Variants in GALNT10 observed in about 807,000 individuals in gnomAD.
The protein encoded by GALNT10 is polypeptide N-acetylgalactosaminyltransferase 10.
In GALNT10, 41 loss-of-function variants were observed where a neutral mutation model predicts 75.0. The observed-to-expected ratio is 0.55, with a 90% CI of 0.43 to 0.71. The LOEUF is 0.71. Among genes scored for constraint, GALNT10 ranks in the 30% least tolerant of loss-of-function variants. The pLI is 0.00. For synonymous variants in GALNT10, 302 were observed against 313.0 expected (o/e 0.96, Z 0.37); for missense variants, 727 against 818.5 (o/e 0.89, Z 1.36).
At chr5:154,380,700 A>C in intron 6 of GALNT10, 69 bp downstream of exon 6, 9 of 1,094,034 alleles carry the variant, frequency 8.2e-6, no homozygotes, top group South Asian at 1.5e-5. Context: ...CACACAACTC[A>C]GGATCGCCAT....
intron 3 of GALNT10, among the ~76,000 whole-genome samples, chr5:154,314,906 C>T (rs1754574474): frequency 1.3e-5 from 2 of 151,670 alleles, no homozygotes. Flanking sequence ...ATGTGCAGAG[C>T]ATAGAGATGG....
At position 154,416,024 on chromosome 5, in the gene GALNT10, A is replaced by T. The variant is rs1333506846; in HGVS notation, c.1653+92A>T. ...CCCCTTCTTTCAACAGAGCCCATCC[A>T]CTTATTCATTTGTGCCACAAACCTA... is the stretch of plus-strand genomic sequence containing the variant. On this transcript the variant is annotated intron_variant, in intron 11 of 11. Coordinates refer to ENST00000297107, the MANE Select transcript of GALNT10 (RefSeq NM_198321.4). This position sits in a 1 kb window ranked among gnomAD's most constrained non-coding sequence, Gnocchi z 4.5. The T allele has an allele frequency of 3.3e-6, 4 of 1,197,730 alleles. No homozygotes were observed. Among genetic ancestry groups the T allele is most frequent in the Non-Finnish European group, 4.7e-6 (4 of 846,498 alleles). 74.2% of individuals were successfully genotyped at this position (1,197,730 alleles called of 1,614,324 possible).
At chr5:154,285,271 T>C (rs1754094997) in intron 1 of GALNT10, among the ~76,000 whole-genome samples, 1 of 152,190 alleles carries the variant, frequency 6.6e-6, no homozygotes, top group East Asian at 1.9e-4. Context: ...CACGGGAGGC[T>C]CACCACCACC....
chr5:154,258,946 C>CA (rs1396690294), intron 1 of GALNT10, among the ~76,000 whole-genome samples: 4 of 152,002 alleles, frequency 2.6e-5, no homozygotes, highest in Non-Finnish European at 1.5e-5. Flanking sequence ...TTTAGATTTA[C>CA]AAAAAAAGTT....
At chr5:154,193,372 C>T (rs1411840095) in intron 1 of GALNT10, among the ~76,000 whole-genome samples, 1 of 152,190 alleles carries the variant, frequency 6.6e-6, no homozygotes, top group Non-Finnish European at 1.5e-5. Flanking sequence ...TGGGCTTGGC[C>T]CCCAGTCCGT....
intron 1 of GALNT10, among the ~76,000 whole-genome samples, chr5:154,277,732 T>A (rs1192276218): frequency 6.6e-6 from 1 of 152,110 alleles, no homozygotes; most frequent in Non-Finnish European, 1.5e-5. Context: ...TCTTTGTGAG[T>A]GAAAGACAAA....
At chr5:154,306,415 C>A (rs1754433846) in intron 3 of GALNT10, among the ~76,000 whole-genome samples, 1 of 152,020 alleles carries the variant, frequency 6.6e-6, no homozygotes, top group Non-Finnish European at 1.5e-5. Flanking sequence ...ATATTACTTA[C>A]ATGTAAATAA....
chr5:154,226,235 A>G (rs1753063033), intron 1 of GALNT10, among the ~76,000 whole-genome samples: 2 of 152,232 alleles, frequency 1.3e-5, no homozygotes, highest in Non-Finnish European at 2.9e-5. Flanking sequence ...AGCTTTGATC[A>G]CCATACTTTG....
At chr5:154,269,773 GGGACATCCTTC>G (rs2113034897) in intron 1 of GALNT10, among the ~76,000 whole-genome samples, 2 of 152,338 alleles carry the variant, frequency 1.3e-5, no homozygotes, top group East Asian at 3.9e-4. Context: ...TAGAGAGTCT[GGGACATCCTTC>G]GGAAGGGAAT....
chr5:154,199,073 G>A (rs1298798329), intron 1 of GALNT10, among the ~76,000 whole-genome samples: 1 of 152,238 alleles, frequency 6.6e-6, no homozygotes, highest in African/African-American at 2.4e-5. Context: ...GGCTGAGGGG[G>A]TGAGTGAGTA....
At chr5:154,248,506 C>T (rs1212068137) in intron 1 of GALNT10, among the ~76,000 whole-genome samples, 1 of 152,160 alleles carries the variant, frequency 6.6e-6, no homozygotes, top group African/African-American at 2.4e-5. Flanking sequence ...TTGGTCTATT[C>T]AGAGATTCAA....
intron 4 of GALNT10, chr5:154,349,558 A>G (rs1326021227): frequency 2.0e-5 from 3 of 152,206 alleles, no homozygotes; most frequent in East Asian, 1.9e-4. Flanking sequence ...TTTGGCATCA[A>G]TAAGGTGACC....
At chr5:154,252,269 G>A (rs1472588375) in intron 1 of GALNT10, among the ~76,000 whole-genome samples, 1 of 152,074 alleles carries the variant, frequency 6.6e-6, no homozygotes, top group African/African-American at 2.4e-5. Context: ...ATATAGGTGA[G>A]TATATAGTTA....
At chr5:154,323,818 C>T (rs1333217590) in intron 3 of GALNT10, among the ~76,000 whole-genome samples, 2 of 152,206 alleles carry the variant, frequency 1.3e-5, no homozygotes, top group Non-Finnish European at 2.9e-5. Context: ...AATGCTGCTA[C>T]CACCCCCTAC....
intron 4 of GALNT10, among the ~76,000 whole-genome samples, chr5:154,367,915 T>C (rs991669248): frequency 2.0e-5 from 3 of 151,882 alleles, no homozygotes; most frequent in African/African-American, 4.8e-5. Context: ...AAGAACTTCA[T>C]TTTTCTATTA....
intron 3 of GALNT10, among the ~76,000 whole-genome samples, chr5:154,316,102 T>C (rs761117783): frequency 5.3e-5 from 8 of 152,210 alleles, no homozygotes; most frequent in East Asian, 1.9e-4. Context: ...TGGGAGTTTT[T>C]AGTTGCTGAA....
rs1367930951 is a variant in GALNT10, at chr5:154,246,271, G to A, written c.160-48545G>A. Among the ~76,000 whole-genome samples, 7 of 152,140 alleles carry A rather than the reference G, an allele frequency of 4.6e-5. No homozygotes were observed. In the East Asian group the frequency reaches 7.7e-4, roughly 17 times the overall value. ...GTGAATAGTGCTGCAATAAACATAC[G>A]TGTGCATGTGTCTTTATAACAGCAT... On this transcript the variant is annotated intron_variant, in intron 1 of 11. Transcript: ENST00000297107.
chr5:154,199,851 C>T (rs1235161158), intron 1 of GALNT10, among the ~76,000 whole-genome samples: 1 of 152,190 alleles, frequency 6.6e-6, no homozygotes, highest in East Asian at 1.9e-4. Context: ...TGTGCCTGAC[C>T]TCTGGGGCTT....
intron 1 of GALNT10, among the ~76,000 whole-genome samples, chr5:154,197,472 T>G (rs1199323933): frequency 6.6e-6 from 1 of 152,152 alleles, no homozygotes; most frequent in Non-Finnish European, 1.5e-5. Flanking sequence ...GTGTGTAGCT[T>G]TCTCTCCATG....
Sources: allele counts gnomAD v4.1 joint callset (sites outside exome capture counted in the v4.1 genomes callset), GRCh38; gene constraint gnomAD v4.1.1; non-coding constraint Gnocchi (gnomAD v3.1); transcripts MANE v1.5; gene names NCBI Gene and HGNC (gene_info 2026-07-23, HGNC 2026-07-21).